The following KIAA1217 variants were observed in gnomAD, a reference collection of about 807,000 sequenced individuals.
KIAA1217 encodes the protein KIAA1217, also known as sickle tail protein homolog.
Under a neutral mutation model 163.9 loss-of-function variants are expected in KIAA1217, and 88 were observed. That is an observed-to-expected ratio of 0.54 (90% CI 0.45 to 0.64). The LOEUF (loss-of-function observed/expected upper bound fraction) is 0.64, where lower values mean the gene tolerates loss of function less well. Among genes scored for constraint, KIAA1217 ranks in the 30% least tolerant of loss-of-function variants. The pLI, the probability that KIAA1217 is intolerant of heterozygous loss-of-function variation, is 0.00. For synonymous variants in KIAA1217, 903 were observed against 923.1 expected (o/e 0.98, Z 0.39); for missense variants, 2,372 against 2,475.0 (o/e 0.96, Z 0.88).
chr10:23,792,057 T>C (rs1835973806), intron 1 of KIAA1217, among the ~76,000 whole-genome samples: 2 of 152,242 alleles, frequency 1.3e-5, no homozygotes, highest in Non-Finnish European at 2.9e-5. Flanking sequence ...CTTTCTTCTG[T>C]AAAAGCTATA....
chr10:23,722,511 CTTTAT>C (rs1431318800), intron 1 of KIAA1217, among the ~76,000 whole-genome samples: 4 of 151,944 alleles, frequency 2.6e-5, no homozygotes, highest in African/African-American at 9.7e-5. Flanking sequence ...AAATCCTTGC[CTTTAT>C]TTTATTTGTA....
chr10:24,296,840 A>G (rs2040680565), intron 2 of KIAA1217, among the ~76,000 whole-genome samples: 1 of 152,202 alleles, frequency 6.6e-6, no homozygotes, highest in Non-Finnish European at 1.5e-5. Flanking sequence ...GCAAAAAAAG[A>G]AATTGCTAGC....
intron 2 of KIAA1217, among the ~76,000 whole-genome samples, chr10:24,335,616 A>ATTTATTTATT (rs1303896423): frequency 3.0e-4 from 34 of 114,012 alleles, no homozygotes; most frequent in African/African-American, 1.1e-3. Flanking sequence ...TTATTTATTT[A>ATTTATTTATT]TTTATTTATT....
chr10:24,399,923 A>T (rs1049255913), intron 3 of KIAA1217, among the ~76,000 whole-genome samples: 7 of 152,220 alleles, frequency 4.6e-5, no homozygotes, highest in Non-Finnish European at 1.5e-5. Flanking sequence ...AGATTCCAAA[A>T]GTGAAGAAGA....
intron 4 of KIAA1217, among the ~76,000 whole-genome samples, chr10:24,438,069 T>A (rs2060210265): frequency 6.7e-6 from 1 of 150,336 alleles, no homozygotes; most frequent in African/African-American, 2.5e-5. Context: ...TTTTTTTTTT[T>A]AAAGCCTTAG....
At chr10:24,078,635 G>A (rs980304055) in intron 2 of KIAA1217, among the ~76,000 whole-genome samples, 4 of 152,090 alleles carry the variant, frequency 2.6e-5, no homozygotes, top group African/African-American at 9.7e-5. Context: ...ATGAAGGGGC[G>A]CTGATGTCTA....
chr10:24,118,403 G>A (rs926415819), intron 2 of KIAA1217, among the ~76,000 whole-genome samples: 1 of 152,158 alleles, frequency 6.6e-6, no homozygotes, highest in East Asian at 1.9e-4. Flanking sequence ...GCTGAGCCTA[G>A]AAAACCGAGC....
intron 3 of KIAA1217, among the ~76,000 whole-genome samples, chr10:24,432,747 A>G (rs2059704555): frequency 6.6e-6 from 1 of 152,162 alleles, no homozygotes. Flanking sequence ...AAGCCATTGC[A>G]CCCAGCCCTT....
chr10:24,274,371 C>T (rs923943173), intron 2 of KIAA1217, among the ~76,000 whole-genome samples: 13 of 149,938 alleles, frequency 8.7e-5, no homozygotes, highest in Admixed American at 4.6e-4. Flanking sequence ...TTTTTTGAGA[C>T]GGAATATTGC....
chr10:24,536,872 A>G lies in KIAA1217; in HGVS notation c.3513A>G (p.Thr1171=). Residue 1171 remains threonine (T), a synonymous_variant, in exon 17 of 21, where the codon ACA becomes ACG. Coordinates refer to ENST00000376454, the MANE Select transcript of KIAA1217 (RefSeq NM_019590.5). ...SHVKDTRSGA[T]VPPKEKKNLE... ...TTAAAGACACTAGGTCGGGCGCCAC[A>G]GTGCCACCCAAGGAGAAGAAGGTAA... is the stretch of plus-strand genomic sequence containing the variant. The G allele has an allele frequency of 4.3e-6, 7 of 1,614,042 alleles. No individual in the cohort carries two copies. Among genetic ancestry groups the G allele is most frequent in the Non-Finnish European group, 5.9e-6 (7 of 1,179,952 alleles).
chr10:24,336,827 A>G (rs937910933), intron 2 of KIAA1217, among the ~76,000 whole-genome samples: 8 of 152,240 alleles, frequency 5.3e-5, no homozygotes, highest in Non-Finnish European at 8.8e-5. Context: ...AATCTTTTCA[A>G]CAATTGCTGT....
intron 2 of KIAA1217, among the ~76,000 whole-genome samples, chr10:24,129,878 A>G (rs1325024071): frequency 1.3e-5 from 2 of 152,052 alleles, no homozygotes. Flanking sequence ...TCATGATCTT[A>G]GGCCTCATGT....
intron 3 of KIAA1217, among the ~76,000 whole-genome samples, chr10:24,424,167 C>T (rs889009020): frequency 6.6e-6 from 1 of 151,992 alleles, no homozygotes; most frequent in Admixed American, 6.5e-5. Context: ...TGCTTTGTCA[C>T]CTACTTTAAA....
intron 3 of KIAA1217, among the ~76,000 whole-genome samples, chr10:24,419,855 A>T (rs2058588734): frequency 6.6e-6 from 1 of 152,078 alleles, no homozygotes; most frequent in South Asian, 2.1e-4. Context: ...CTTAAATAGG[A>T]TCATACTGCA....
intron 3 of KIAA1217, among the ~76,000 whole-genome samples, chr10:24,432,329 A>C (rs2059667892): frequency 6.6e-6 from 1 of 150,904 alleles, no homozygotes; most frequent in Admixed American, 6.6e-5. Flanking sequence ...TGTTGGCCAG[A>C]CTGGTCTGAA....
chr10:24,181,525 A>G (rs924463128), intron 2 of KIAA1217, among the ~76,000 whole-genome samples: 1 of 152,246 alleles, frequency 6.6e-6, no homozygotes, highest in African/African-American at 2.4e-5. Context: ...CTTTGAGGCC[A>G]TGATAAGGAG....
chr10:24,527,380 T>C (rs915232247), intron 13 of KIAA1217, among the ~76,000 whole-genome samples: 19 of 144,966 alleles, frequency 1.3e-4, no homozygotes, highest in African/African-American at 4.7e-4. Context: ...TGAGCCACCA[T>C]GCCCAGCCTA....
intron 2 of KIAA1217, among the ~76,000 whole-genome samples, chr10:24,231,111 C>T (rs2071346639): frequency 6.6e-6 from 1 of 152,160 alleles, no homozygotes; most frequent in Non-Finnish European, 1.5e-5. Context: ...GAAGTGCCAG[C>T]GTCCTGGTTG....
In KIAA1217 at chr10:24,261,769, C is replaced by T. The variant is rs554463793; in HGVS notation, c.354+41860C>T. Among the ~76,000 whole-genome samples the T allele has an allele frequency of 9.2e-5, 14 of 152,216 alleles. No individual in the cohort carries two copies. In the South Asian group the frequency reaches 2.9e-3, roughly 32 times the overall value. On this transcript the variant is annotated intron_variant, in intron 2 of 20. Coordinates refer to ENST00000376454, the MANE Select transcript of KIAA1217 (RefSeq NM_019590.5). ...AGGATAGGTGCAGGGTCACTGATGACTGGGAAGAGTTGTAGGTCCTGCCAC... is the reference window on the plus strand; with the variant it reads ...AGGATAGGTGCAGGGTCACTGATGATTGGGAAGAGTTGTAGGTCCTGCCAC...
Sources: gnomAD v4.1 joint callset for allele counts (sites outside exome capture counted in the v4.1 genomes callset) on GRCh38, gnomAD v4.1.1 for gene constraint, MANE v1.5 for transcripts, NCBI Gene and HGNC (gene_info 2026-07-23, HGNC 2026-07-21) for gene names.